The following NKAIN2 variants were observed in gnomAD, a reference collection of about 807,000 sequenced individuals.
NKAIN2 encodes the protein sodium/potassium transporting ATPase interacting 2, also known as sodium/potassium-transporting ATPase subunit beta-1-interacting protein 2.
A neutral mutation model predicts 32.6 loss-of-function variants in NKAIN2; 14 were observed. That is an observed-to-expected ratio of 0.43 (90% confidence interval 0.28 to 0.67). NKAIN2 has a LOEUF of 0.67. Among genes scored for constraint, NKAIN2 ranks in the 30% least tolerant of loss-of-function variants. The pLI, the probability that NKAIN2 is intolerant of heterozygous loss-of-function variation, is 0.17. For missense variants in NKAIN2, 198 were observed against 258.3 expected (o/e 0.77, Z 1.60); for synonymous variants, 80 against 87.2 (o/e 0.92, Z 0.46).
At position 124,040,532 on chromosome 6, in the gene NKAIN2, A is replaced by G. The variant is rs982634690; in HGVS notation, c.54+236278A>G. Among the ~76,000 whole-genome samples, 23 of 151,972 alleles carry G rather than the reference A, an allele frequency of 1.5e-4. No individual in the cohort carries two copies. The East Asian group carries it at 4.5e-3, about 29-fold the overall frequency. On this transcript the variant is annotated intron_variant, in intron 1 of 6. Coordinates refer to ENST00000368417, the MANE Select transcript of NKAIN2 (RefSeq NM_001040214.3). The stretch of plus-strand genomic sequence containing the variant: ...ATATGACTATTTTGAAGACATTTTA[A>G]TTTTTGTTGTTTTTATTAGTTCCTG...
At chr6:124,414,942 T>A (rs1353675687) in intron 3 of NKAIN2, among the ~76,000 whole-genome samples, 1 of 151,800 alleles carries the variant, frequency 6.6e-6, no homozygotes, top group Non-Finnish European at 1.5e-5. Context: ...AAGAATCAGC[T>A]TTAAAAAAGA....
rs116377892 is a variant in NKAIN2, at chr6:123,863,791, C to T, written c.54+59537C>T. ...CTTCTCTCATCTTATAAATTTGGGT[C>T]TCCTCTTCCTCTCCTGTCCACTTTG... On this transcript the variant is annotated intron_variant, in intron 1 of 6. Coordinates refer to ENST00000368417, the MANE Select transcript of NKAIN2 (RefSeq NM_001040214.3). Among the ~76,000 whole-genome samples the T allele has an allele frequency of 3.1e-3, 467 of 152,254 alleles. 2 individuals carry two copies. The highest frequency in any genetic ancestry group is 0.01 in the African/African-American group (430 of 41,550).
intron 3 of NKAIN2, among the ~76,000 whole-genome samples, chr6:124,568,233 T>C (rs1780994730): frequency 6.6e-6 from 1 of 152,188 alleles, no homozygotes; most frequent in Non-Finnish European, 1.5e-5. Context: ...TAGTGAATAG[T>C]AAAGAATTGA....
At chr6:124,412,522 T>C (rs1161059035) in intron 3 of NKAIN2, among the ~76,000 whole-genome samples, 1 of 152,100 alleles carries the variant, frequency 6.6e-6, no homozygotes, top group Non-Finnish European at 1.5e-5. Context: ...GCTGCCTGAT[T>C]GTTCCTCTGG....
chr6:124,572,032 TC>T (rs68179859), intron 3 of NKAIN2, among the ~76,000 whole-genome samples: 20,275 of 152,160 alleles, frequency 0.13, 2,096 homozygotes, highest in African/African-American at 0.3. Context: ...TCAGTGACTA[TC>T]CCATCACCAA....
intron 1 of NKAIN2, among the ~76,000 whole-genome samples, chr6:124,248,374 T>G (rs1562449236): frequency 6.6e-6 from 1 of 152,026 alleles, no homozygotes; most frequent in Non-Finnish European, 1.5e-5. Context: ...AGTGGTTAAT[T>G]AGTATCCCTG....
chr6:123,816,700 G>A (rs1773707763), intron 1 of NKAIN2, among the ~76,000 whole-genome samples: 3 of 152,156 alleles, frequency 2.0e-5, no homozygotes, highest in Admixed American at 1.3e-4. Flanking sequence ...TTAGATGATT[G>A]AAATGCCAGG....
intron 1 of NKAIN2, among the ~76,000 whole-genome samples, chr6:124,098,926 G>A (rs1285925770): frequency 6.6e-6 from 1 of 151,784 alleles, no homozygotes; most frequent in Non-Finnish European, 1.5e-5. Context: ...TCCCCCTTGA[G>A]CATTATATTT....
chr6:123,822,695 G>T (rs957765177), intron 1 of NKAIN2, among the ~76,000 whole-genome samples: 4 of 152,024 alleles, frequency 2.6e-5, no homozygotes, highest in African/African-American at 9.7e-5. Context: ...TAAGATTATG[G>T]TTTTTTAGAG....
chr6:124,777,054 AG>A, intron 4 of NKAIN2, among the ~76,000 whole-genome samples: 1 of 152,310 alleles, frequency 6.6e-6, no homozygotes, highest in East Asian at 1.9e-4. Context: ...AAGATATTCA[AG>A]GTAATATATG....
At chr6:124,204,317 A>T (rs1368616497) in intron 1 of NKAIN2, among the ~76,000 whole-genome samples, 1 of 151,898 alleles carries the variant, frequency 6.6e-6, no homozygotes, top group African/African-American at 2.4e-5. Context: ...ACAAAGATGA[A>T]TAACTTCATA....
At chr6:124,622,140 C>G (rs1001574014) in intron 3 of NKAIN2, among the ~76,000 whole-genome samples, 1 of 152,162 alleles carries the variant, frequency 6.6e-6, no homozygotes. Context: ...AGGGAAGAAT[C>G]CTTCCTTGCT....
intron 1 of NKAIN2, among the ~76,000 whole-genome samples, chr6:124,272,266 C>A (rs977791257): frequency 3.3e-5 from 5 of 152,184 alleles, no homozygotes; most frequent in Non-Finnish European, 5.9e-5. Context: ...AAATTGTATT[C>A]ATGGGCTGGT....
chr6:124,455,551 G>A (rs1180446923), intron 3 of NKAIN2, among the ~76,000 whole-genome samples: 1 of 152,086 alleles, frequency 6.6e-6, no homozygotes, highest in Admixed American at 6.6e-5. Flanking sequence ...TGACTATGAT[G>A]ATATTAAAGA....
intron 3 of NKAIN2, among the ~76,000 whole-genome samples, chr6:124,465,628 G>C: frequency 1.9e-5 from 1 of 52,620 alleles, no homozygotes; most frequent in South Asian, 6.6e-4. Context: ...TTAAAGTAAA[G>C]TTAAAAAAAA....
At chr6:123,994,430 A>G (rs1779533720) in intron 1 of NKAIN2, among the ~76,000 whole-genome samples, 1 of 152,122 alleles carries the variant, frequency 6.6e-6, no homozygotes, top group African/African-American at 2.4e-5. Flanking sequence ...CCCAAAAGGA[A>G]GAGTAGGATT....
At position 123,846,460 on chromosome 6, in the gene NKAIN2, G is replaced by T. The variant is rs115231993; in HGVS notation, c.54+42206G>T. Among the ~76,000 whole-genome samples, 787 of 152,268 alleles carry T rather than the reference G, an allele frequency of 5.2e-3. 11 individuals are homozygous for T. The highest frequency in any genetic ancestry group is 0.017 in the African/African-American group (688 of 41,556). ...TATTTAAAATCTCTACCCCATGGGT[G>T]TTTCTTGAAATTGGCTAGTCTAACT... On this transcript the variant is annotated intron_variant, in intron 1 of 6. Coordinates refer to ENST00000368417, the MANE Select transcript of NKAIN2 (RefSeq NM_001040214.3).
intron 1 of NKAIN2, among the ~76,000 whole-genome samples, chr6:124,173,763 AT>A (rs1789017562): frequency 6.6e-6 from 1 of 152,074 alleles, no homozygotes; most frequent in African/African-American, 2.4e-5. Flanking sequence ...TATAATCATC[AT>A]TTTTGAAAGT....
chr6:124,785,606 C>T (rs1483423874), intron 4 of NKAIN2, among the ~76,000 whole-genome samples: 1 of 151,994 alleles, frequency 6.6e-6, no homozygotes, highest in Non-Finnish European at 1.5e-5. Context: ...GATAGAAGTC[C>T]AGGGTTCCCA....
Sources: gnomAD v4.1 joint callset for allele counts (sites outside exome capture counted in the v4.1 genomes callset) on GRCh38, gnomAD v4.1.1 for gene constraint, MANE v1.5 for transcripts, NCBI Gene and HGNC (gene_info 2026-07-23, HGNC 2026-07-21) for gene names.